Variants in LUZP4 observed in about 807,000 individuals in gnomAD.
LUZP4 encodes the protein leucine zipper protein 4.
In LUZP4, 11 loss-of-function variants were observed where a neutral mutation model predicts 8.5. The observed-to-expected ratio is 1.30, with a 90% confidence interval of 0.82 to 2.14. The LOEUF (loss-of-function observed/expected upper bound fraction) is 2.14. Among genes scored for constraint, LUZP4 ranks in the 30% most tolerant of loss-of-function variants. The pLI, the probability that LUZP4 is intolerant of heterozygous loss-of-function variation, is 0.00. For synonymous variants in LUZP4, 104 were observed against 79.4 expected (o/e 1.31, Z -1.65); for missense variants, 276 against 229.7 (o/e 1.20, Z -1.30).
At chrX:115,303,194 G>A (rs1488986134) in intron 2 of LUZP4, 106 bp from the exon 3 acceptor site, 5 of 411,172 alleles carry the variant, frequency 1.2e-5, no homozygotes, top group Non-Finnish European at 1.3e-5. Context: ...CAAAAGTTTT[G>A]CAAAACCCAG....
At chrX:115,296,196 T>A (rs2073370041) in intron 1 of LUZP4, among the ~76,000 whole-genome samples, 1 of 112,190 alleles carries the variant, frequency 8.9e-6, no homozygotes, top group South Asian at 3.7e-4. Flanking sequence ...AAATGCAATA[T>A]AAGTATACTT....
intron 1 of LUZP4, among the ~76,000 whole-genome samples, chrX:115,296,179 T>C (rs2073369957): frequency 1.8e-5 from 2 of 112,153 alleles, no homozygotes; most frequent in Non-Finnish European, 1.9e-5. Context: ...CAACCCACTG[T>C]AAAATAAAAT....
At chrX:115,293,603 A>T (rs782045224) in intron 1 of LUZP4, among the ~76,000 whole-genome samples, 1 of 111,202 alleles carries the variant, frequency 9.0e-6, no homozygotes, top group African/African-American at 3.3e-5. Flanking sequence ...TTTTTAAAAA[A>T]AAAGCTTGAT....
Position 115,306,423 on chromosome X carries a change from T to C in LUZP4, c.561T>C (p.Tyr187=). 8.3e-7 allele frequency: 1 copy of C among 1,211,179 alleles called. No homozygotes were observed. Among genetic ancestry groups the C allele is most frequent in the East Asian group, 3.0e-5 (1 of 33,793 alleles). Reference sequence around the variant, plus strand: ...AGCTAAAGAGACATCATCCCCAATATGAGAGATCTCATGGCCAATACAAGA... The same window carrying C: ...AGCTAAAGAGACATCATCCCCAATACGAGAGATCTCATGGCCAATACAAGA... The part of the protein sequence containing the change: ...QGQLKRHHPQ[Y]ERSHGQYKRS... Residue 187 remains tyrosine, a synonymous_variant, in exon 4 of 4, where the codon TAT becomes TAC. Coordinates refer to ENST00000371920, the MANE Select transcript of LUZP4 (RefSeq NM_016383.5).
At chrX:115,300,178 C>A (rs2073390160) in intron 1 of LUZP4, among the ~76,000 whole-genome samples, 1 of 110,943 alleles carries the variant, frequency 9.0e-6, no homozygotes, top group African/African-American at 3.3e-5. Context: ...GCCACCACTC[C>A]CTTGGCTGCC....
chrX:115,300,066 G>A (rs782698501), intron 1 of LUZP4, among the ~76,000 whole-genome samples: 2 of 110,718 alleles, frequency 1.8e-5, no homozygotes, highest in African/African-American at 6.6e-5. Flanking sequence ...TATCTAAGAT[G>A]TAAGACAAAG....
At chrX:115,303,211 G>A (rs2073405502) in intron 2 of LUZP4, 89 bp from the exon 3 acceptor site, 1 of 513,431 alleles carries the variant, frequency 1.9e-6, no homozygotes, top group Non-Finnish European at 3.2e-6. Flanking sequence ...CCAGTGCATA[G>A]CCTTAAAAAA....
chrX:115,294,093 T>C (rs1313798630), intron 1 of LUZP4, among the ~76,000 whole-genome samples: 2 of 112,458 alleles, frequency 1.8e-5, no homozygotes, highest in Non-Finnish European at 3.8e-5. Flanking sequence ...GCCTTGTCAC[T>C]GGGACCTTGA....
chrX:115,306,887 CAT>C lies in LUZP4; in HGVS notation c.*84_*85del, dbSNP rs781808851. On this transcript the variant is annotated 3_prime_UTR_variant, in exon 4 of 4. Coordinates refer to ENST00000371920, the MANE Select transcript of LUZP4 (RefSeq NM_016383.5). ...ATGGCTAAATATGTATTTGTTGAAA[CAT>C]GTATATTGGGACAAAGACATAAATA... 123 of 889,285 alleles carry C rather than the reference CAT, an allele frequency of 1.4e-4. No individual in the cohort carries two copies. Among genetic ancestry groups the C allele is most frequent in the Non-Finnish European group, 1.7e-4 (104 of 625,978 alleles). The allele number at this position is 889,285 out of a possible 1,213,427, so 73.3% of individuals were successfully genotyped here.
At chrX:115,304,106 CAT>C (rs1257112108) in intron 3 of LUZP4, among the ~76,000 whole-genome samples, 4 of 112,257 alleles carry the variant, frequency 3.6e-5, no homozygotes, top group African/African-American at 1.3e-4. Flanking sequence ...TGGAGAAAAA[CAT>C]GTTGCATTTT....
chrX:115,306,419 A>G lies in LUZP4; in HGVS notation c.557A>G (p.Gln186Arg). Reference sequence around the variant, plus strand: ...GGGCAGCTAAAGAGACATCATCCCCAATATGAGAGATCTCATGGCCAATAC... The same window carrying G: ...GGGCAGCTAAAGAGACATCATCCCCGATATGAGAGATCTCATGGCCAATAC... ...SQGQLKRHHP[Q>R]YERSHGQYKR... The change falls in exon 4 of 4, where the codon CAA (glutamine) becomes CGA (arginine). Residue 186 changes from glutamine to arginine, a missense_variant. Transcript: ENST00000371920. 8.3e-7 allele frequency: 1 copy of G among 1,211,688 alleles called. No individual in the cohort carries two copies. Among genetic ancestry groups the G allele is most frequent in the Non-Finnish European group, 1.1e-6 (1 of 895,401 alleles).
chrX:115,306,569 G>C lies in LUZP4; in HGVS notation c.707G>C (p.Gly236Ala). ...HGHSKRSRSQ[G>A]DLVDTQSDLI... Reference sequence around the variant, plus strand: ...CACTCAAAGAGATCTCGTAGCCAGGGAGATCTTGTGGACACTCAGAGTGAT... The same window carrying C: ...CACTCAAAGAGATCTCGTAGCCAGGCAGATCTTGTGGACACTCAGAGTGAT... Residue 236 changes from glycine to alanine, a missense_variant, in exon 4 of 4, where the codon GGA (glycine) becomes GCA (alanine). Transcript: ENST00000371920. The C allele has an allele frequency of 8.3e-7, 1 of 1,208,805 alleles. No individual in the cohort carries two copies.
intron 1 of LUZP4, among the ~76,000 whole-genome samples, chrX:115,300,206 A>G (rs1167054872): frequency 9.0e-6 from 1 of 111,213 alleles, no homozygotes; most frequent in Non-Finnish European, 1.9e-5. Flanking sequence ...GTGTCTCAGT[A>G]TGTCATGTGG....
At position 115,306,901 on chromosome X, in the gene LUZP4, C is replaced by T. The variant is rs1362595603; in HGVS notation, c.*97C>T. 1 of 798,873 alleles carries T rather than the reference C, an allele frequency of 1.3e-6. No individual in the cohort carries two copies. The highest frequency in any genetic ancestry group is 3.1e-5 in the East Asian group (1 of 31,793). 65.8% of individuals were successfully genotyped at this position (798,873 alleles called of 1,213,427 possible). A position where few individuals can be genotyped will look rare whatever the true frequency, so the allele number is the denominator to read the frequency against. ...ATTTGTTGAAACATGTATATTGGGACAAAGACATAAATATTAGAATGGAGG... is the reference window on the plus strand; with the variant it reads ...ATTTGTTGAAACATGTATATTGGGATAAAGACATAAATATTAGAATGGAGG... On this transcript the variant is annotated 3_prime_UTR_variant, in exon 4 of 4. Transcript: ENST00000371920.
intron 2 of LUZP4, among the ~76,000 whole-genome samples, chrX:115,302,591 T>G (rs1214473411): frequency 1.8e-5 from 2 of 113,117 alleles, no homozygotes; most frequent in Non-Finnish European, 3.7e-5. Flanking sequence ...TATGCATTTT[T>G]TAATATGAAT....
intron 1 of LUZP4, among the ~76,000 whole-genome samples, chrX:115,297,626 C>T (rs782608652): frequency 7.2e-5 from 8 of 111,626 alleles, no homozygotes; most frequent in African/African-American, 2.6e-4. Flanking sequence ...TGCTGCCAGA[C>T]ATATTAGAGC....
At chrX:115,290,321 G>T (rs1012763093) in intron 1 of LUZP4, among the ~76,000 whole-genome samples, 4 of 111,067 alleles carry the variant, frequency 3.6e-5, no homozygotes, top group African/African-American at 1.3e-4. Context: ...TAGGGATCCC[G>T]GCGTGGTAGT....
At chrX:115,305,120 C>A (rs965309383) in intron 3 of LUZP4, among the ~76,000 whole-genome samples, 1 of 111,791 alleles carries the variant, frequency 8.9e-6, no homozygotes. Flanking sequence ...AAAGGGACTG[C>A]AAGCTCCTTT....
rs781828874 is a variant in LUZP4, at chrX:115,306,335, A to T, written c.473A>T (p.His158Leu). ...ESQGQPEENH[H>L]SERSRNHLER... is the part of the protein sequence containing the mutation. The stretch of plus-strand genomic sequence containing the variant: ...CAGGGCCAACCAGAAGAAAATCATC[A>T]TTCTGAGCGATCCCGAAACCACTTA... The change falls in exon 4 of 4, where the codon CAT becomes CTT. Residue 158 changes from histidine to leucine, a missense_variant. By Grantham distance (99) the His-to-Leu change is moderately conservative. Transcript: ENST00000371920. 1.2e-5 allele frequency: 15 copies of T among 1,211,147 alleles called. No individual in the cohort carries two copies. Among genetic ancestry groups the T allele is most frequent in the Non-Finnish European group, 1.7e-5 (15 of 895,350 alleles).
Sources: gnomAD v4.1 joint callset for allele counts (sites outside exome capture counted in the v4.1 genomes callset) on GRCh38, gnomAD v4.1.1 for gene constraint, MANE v1.5 for transcripts, NCBI Gene and HGNC (gene_info 2026-07-23, HGNC 2026-07-21) for gene names.